Variants in DAB1 observed in about 807,000 individuals in gnomAD.
DAB1 encodes DAB adaptor protein 1, also known as disabled homolog 1.
Under a neutral mutation model 64.6 loss-of-function variants are expected in DAB1, and 15 were observed. That is an observed-to-expected ratio of 0.23 (90% CI 0.16 to 0.36). The LOEUF (loss-of-function observed/expected upper bound fraction) is 0.36. Ranked by LOEUF, DAB1 falls within the 10% of genes least tolerant of loss-of-function variation. The probability of loss-of-function intolerance (pLI) is 1.00; values close to 1 mark genes in which losing one functional copy is unlikely to be tolerated. For missense variants in DAB1, 596 were observed against 706.7 expected, an observed-to-expected ratio of 0.84 and a Z score of 1.78; for synonymous variants, 235 against 251.9, an observed-to-expected ratio of 0.93 and a Z score of 0.64.
rs566427828 is a variant in DAB1, at chr1:58,036,094, T to C, written n.387+114417A>G. 1.2e-4 allele frequency among the ~76,000 whole-genome samples: 19 copies of C among 152,308 alleles called. No homozygotes were observed. In the East Asian group the frequency reaches 3.7e-3, roughly 29 times the overall value. On this transcript the variant is annotated intron_variant and non_coding_transcript_variant, in intron 5 of 20. Coordinates refer to the DAB1 transcript ENST00000485760. Reference sequence around the variant, plus strand: ...CAGGATAGCATGGTAAGTGAGATGGTCGGGAAACCGGGGTAGGAAGTTGTT... The same window carrying C: ...CAGGATAGCATGGTAAGTGAGATGGCCGGGAAACCGGGGTAGGAAGTTGTT...
chr1:58,488,519 T>A (rs1645615991), intron 3 of DAB1, among the ~76,000 whole-genome samples: 1 of 152,184 alleles, frequency 6.6e-6, no homozygotes, highest in South Asian at 2.1e-4. Flanking sequence ...TGGCGCGATC[T>A]CAGATCACTG....
At chr1:57,949,017 C>T (rs1022559373) in intron 5 of DAB1, among the ~76,000 whole-genome samples, 1 of 152,168 alleles carries the variant, frequency 6.6e-6, no homozygotes, top group Non-Finnish European at 1.5e-5. Context: ...CAGCAATCTA[C>T]CATTGTACCA....
At chr1:58,086,471 A>T (rs940784015) in intron 5 of DAB1, among the ~76,000 whole-genome samples, 2 of 152,176 alleles carry the variant, frequency 1.3e-5, no homozygotes, top group African/African-American at 4.8e-5. Flanking sequence ...TCTGTCACTG[A>T]GTGTGCTGTC....
intron 11 of DAB1, among the ~76,000 whole-genome samples, chr1:57,016,833 G>A (rs1432724625): frequency 1.3e-5 from 2 of 152,070 alleles, no homozygotes; most frequent in African/African-American, 2.4e-5. Context: ...CCTACAACAC[G>A]CCACGTACAC....
intron 6 of DAB1, among the ~76,000 whole-genome samples, chr1:57,696,959 C>A (rs752266125): frequency 2.6e-5 from 4 of 152,134 alleles, no homozygotes; most frequent in African/African-American, 7.2e-5. Flanking sequence ...CAATAATAGT[C>A]AATGCAGGAA....
At chr1:57,405,731 T>C (rs1490243554) in intron 1 of DAB1, among the ~76,000 whole-genome samples, 6 of 152,210 alleles carry the variant, frequency 3.9e-5, no homozygotes, top group Non-Finnish European at 7.3e-5. Context: ...CACCTGGCCC[T>C]TGTAAGCATC....
At chr1:58,489,944 G>A (rs1044559853) in intron 3 of DAB1, among the ~76,000 whole-genome samples, 12 of 152,242 alleles carry the variant, frequency 7.9e-5, no homozygotes, top group Middle Eastern at 3.4e-3. Flanking sequence ...CCATCTGTAC[G>A]TCACCATCAT....
intron 4 of DAB1, among the ~76,000 whole-genome samples, chr1:58,245,710 A>G (rs1297677813): frequency 6.6e-6 from 1 of 152,328 alleles, no homozygotes; most frequent in Non-Finnish European, 1.5e-5. Flanking sequence ...TAAGGATTAC[A>G]ACACCAGTCA....
intron 4 of DAB1, among the ~76,000 whole-genome samples, chr1:58,250,138 C>T (rs1028979502): frequency 1.3e-5 from 2 of 152,168 alleles, no homozygotes; most frequent in African/African-American, 4.8e-5. Context: ...CAGGTCCGGG[C>T]AGCGCCCACT....
chr1:58,341,862 G>C (rs553372025), intron 4 of DAB1, among the ~76,000 whole-genome samples: 10 of 152,294 alleles, frequency 6.6e-5, no homozygotes, highest in South Asian at 2.1e-4. Context: ...CTCTAGTCTG[G>C]TTAACAGTGT....
intron 4 of DAB1, among the ~76,000 whole-genome samples, chr1:57,117,912 C>T (rs773572506): frequency 1.3e-5 from 2 of 152,120 alleles, no homozygotes; most frequent in Non-Finnish European, 2.9e-5. Context: ...CTGGTCCTGA[C>T]GTTGCCTCAA....
chr1:57,172,082 T>C (rs1205256877), intron 2 of DAB1, among the ~76,000 whole-genome samples: 2 of 152,158 alleles, frequency 1.3e-5, no homozygotes, highest in Middle Eastern at 3.2e-3. Context: ...AGACACATTA[T>C]CCTGATCTCT....
At position 57,642,857 on chromosome 1, in the gene DAB1, T is replaced by C. The variant is rs1646146700; in HGVS notation, n.625+6735A>G. ...CAGATGCTGTCATAATGTCTGCTAA[T>C]ATCTCTAGACTTTCTCCATGAGTTC... is the stretch of plus-strand genomic sequence containing the variant. On this transcript the variant is annotated intron_variant and non_coding_transcript_variant, in intron 7 of 20. Transcript: ENST00000485760. 2.0e-5 allele frequency among the ~76,000 whole-genome samples: 3 copies of C among 152,250 alleles called. No individual in the cohort carries two copies. The South Asian group carries it at 6.2e-4, about 31-fold the overall frequency.
chr1:58,171,322 G>T (rs531938721), intron 4 of DAB1, among the ~76,000 whole-genome samples: 3 of 152,248 alleles, frequency 2.0e-5, no homozygotes, highest in East Asian at 1.9e-4. Context: ...ATCCCTTAAG[G>T]CCTGAAGCTC....
chr1:57,162,399 T>C (rs1237453952), intron 2 of DAB1, among the ~76,000 whole-genome samples: 2 of 152,236 alleles, frequency 1.3e-5, no homozygotes, highest in East Asian at 1.9e-4. Flanking sequence ...GAATTGGATT[T>C]ACTCAGTGAG....
At chr1:57,350,551 C>T (rs1046351732) in intron 1 of DAB1, among the ~76,000 whole-genome samples, 20 of 152,236 alleles carry the variant, frequency 1.3e-4, no homozygotes, top group Middle Eastern at 6.8e-3. Flanking sequence ...GTATTTAGAT[C>T]CACTTTGCTG....
chr1:57,306,737 TAAC>T (rs1674218241), intron 1 of DAB1: 1 of 152,084 alleles, frequency 6.6e-6, no homozygotes, highest in African/African-American at 2.4e-5. Flanking sequence ...TAAGCATATC[TAAC>T]AACATTTTTA....
intron 2 of DAB1, among the ~76,000 whole-genome samples, chr1:58,510,219 C>T (rs947972972): frequency 5.9e-5 from 9 of 151,838 alleles, no homozygotes; most frequent in African/African-American, 1.9e-4. Context: ...AACATAAATA[C>T]AAAAATTCTT....
intron 5 of DAB1, among the ~76,000 whole-genome samples, chr1:57,991,037 A>AT (rs1646330075): frequency 1.3e-5 from 2 of 152,142 alleles, no homozygotes; most frequent in Non-Finnish European, 2.9e-5. Flanking sequence ...GTATGATGCC[A>AT]TCGTCAATTC....
Sources: allele counts gnomAD v4.1 joint callset (sites outside exome capture counted in the v4.1 genomes callset), GRCh38; gene constraint gnomAD v4.1.1; transcripts MANE v1.5; gene names NCBI Gene and HGNC (gene_info 2026-07-23, HGNC 2026-07-21).